Variants in RNF182 observed in about 807,000 individuals in gnomAD.
The protein encoded by RNF182 is ring finger protein 182.
RNF182 carries 15 observed loss-of-function variants against 14.4 expected under a neutral mutation model. The observed-to-expected ratio is 1.04, with a 90% CI of 0.70 to 1.60. RNF182 has a LOEUF of 1.60. RNF182 is among the 40% of genes most tolerant of loss of function. The probability of loss-of-function intolerance (pLI) is 0.00; values close to 1 mark genes in which losing one functional copy is unlikely to be tolerated. For synonymous variants in RNF182, 128 were observed against 122.9 expected (o/e 1.04, Z -0.27); for missense variants, 268 against 294.8 (o/e 0.91, Z 0.67).
At chr6:13,965,808 T>G (rs1375054370) in intron 1 of RNF182, among the ~76,000 whole-genome samples, 2 of 152,124 alleles carry the variant, frequency 1.3e-5, no homozygotes, top group East Asian at 1.9e-4. Context: ...AGATGGGAGA[T>G]CCTTCTCAAA....
chr6:13,953,851 C>T (rs553138090), intron 1 of RNF182, among the ~76,000 whole-genome samples: 10 of 152,076 alleles, frequency 6.6e-5, no homozygotes, highest in African/African-American at 9.7e-5. Flanking sequence ...GTGAGGCCAT[C>T]GCCAGCACCT....
intron 1 of RNF182, among the ~76,000 whole-genome samples, chr6:13,958,190 ATC>A (rs1011085209): frequency 5.9e-4 from 90 of 152,234 alleles, no homozygotes; most frequent in African/African-American, 2.0e-3. Flanking sequence ...GATAGAGACC[ATC>A]CTGTCCAACA....
intron 1 of RNF182, among the ~76,000 whole-genome samples, chr6:13,937,463 G>A (rs953757687): frequency 6.6e-6 from 1 of 152,142 alleles, no homozygotes; most frequent in African/African-American, 2.4e-5. Flanking sequence ...CCAACTATTT[G>A]GGATATTCAT....
chr6:13,935,698 G>T (rs1759091548), intron 1 of RNF182, among the ~76,000 whole-genome samples: 1 of 152,184 alleles, frequency 6.6e-6, no homozygotes, highest in Non-Finnish European at 1.5e-5. Context: ...TCATGATAAT[G>T]TATGGATAGA....
intron 1 of RNF182, among the ~76,000 whole-genome samples, chr6:13,964,150 G>A (rs1237494480): frequency 6.6e-6 from 1 of 151,774 alleles, no homozygotes; most frequent in Non-Finnish European, 1.5e-5. Flanking sequence ...TTAAAAGGTA[G>A]AACTTGAAAG....
At chr6:13,943,538 T>A (rs1759352072) in intron 1 of RNF182, among the ~76,000 whole-genome samples, 1 of 152,200 alleles carries the variant, frequency 6.6e-6, no homozygotes, top group African/African-American at 2.4e-5. Context: ...GTACCATTGG[T>A]ACTTATCTTA....
chr6:13,931,894 A>C (rs1197874292), intron 1 of RNF182, among the ~76,000 whole-genome samples: 1 of 152,158 alleles, frequency 6.6e-6, no homozygotes, highest in Non-Finnish European at 1.5e-5. Flanking sequence ...ATGAGGGTGG[A>C]GCCCTCATAA....
At chr6:13,957,037 G>C (rs1425484970) in intron 1 of RNF182, among the ~76,000 whole-genome samples, 1 of 152,088 alleles carries the variant, frequency 6.6e-6, no homozygotes, top group African/African-American at 2.4e-5. Flanking sequence ...CCACACCAAG[G>C]AATCTGTCAG....
intron 1 of RNF182, among the ~76,000 whole-genome samples, chr6:13,951,243 A>C (rs1304396519): frequency 6.6e-6 from 1 of 152,250 alleles, no homozygotes; most frequent in Non-Finnish European, 1.5e-5. Flanking sequence ...TAACTGGATT[A>C]CTGGCTTCAG....
intron 1 of RNF182, among the ~76,000 whole-genome samples, chr6:13,943,251 G>A (rs775668062): frequency 6.6e-6 from 1 of 150,394 alleles, no homozygotes; most frequent in Non-Finnish European, 1.5e-5. Flanking sequence ...AATGTAAGGT[G>A]TTATTACCAT....
chr6:13,924,653 C>G (rs567549298), upstream of RNF182: 5 of 152,106 alleles, frequency 3.3e-5, no homozygotes, highest in Non-Finnish European at 1.5e-5. Flanking sequence ...TGTGGGGAAG[C>G]AAAGGAGTGC....
In RNF182 at chr6:13,979,074, T is replaced by C. The variant is rs184875570; in HGVS notation, c.*1211T>C. On this transcript the variant is annotated 3_prime_UTR_variant, in exon 3 of 3. Transcript: ENST00000488300. ...TAAAATGGCAGGGGCAGAGTGCAGCTTAACATGTTGCTATCCCTGTTGTTT... is the reference window on the plus strand; with the variant it reads ...TAAAATGGCAGGGGCAGAGTGCAGCCTAACATGTTGCTATCCCTGTTGTTT... 183 of 167,232 alleles carry C rather than the reference T, an allele frequency of 1.1e-3. 1 individual carries two copies. The highest frequency in any genetic ancestry group is 2.1e-3 in the Non-Finnish European group (144 of 68,114). The allele number at this position is 167,232 out of a possible 1,614,324, so 10.4% of individuals were successfully genotyped here. A position where few individuals can be genotyped will look rare whatever the true frequency, so the allele number is the denominator to read the frequency against.
intron 1 of RNF182, among the ~76,000 whole-genome samples, chr6:13,970,848 C>T (rs1355064135): frequency 6.6e-6 from 1 of 152,158 alleles, no homozygotes; most frequent in African/African-American, 2.4e-5. Flanking sequence ...GAAAAATATA[C>T]ATTTTGAATG....
chr6:13,974,781 A>G (rs1179690195), intron 2 of RNF182, among the ~76,000 whole-genome samples: 2 of 152,214 alleles, frequency 1.3e-5, no homozygotes, highest in Non-Finnish European at 2.9e-5. Flanking sequence ...AATTTTGCCT[A>G]GTTATCTTCA....
At chr6:13,940,130 G>A (rs1222156668) in intron 1 of RNF182, among the ~76,000 whole-genome samples, 1 of 152,120 alleles carries the variant, frequency 6.6e-6, no homozygotes, top group Non-Finnish European at 1.5e-5. Context: ...TTTAAAATAT[G>A]GCTCTTGCTT....
chr6:13,958,409 T>A (rs1759783255), intron 1 of RNF182, among the ~76,000 whole-genome samples: 1 of 151,936 alleles, frequency 6.6e-6, no homozygotes, highest in African/African-American at 2.4e-5. Context: ...AATAATAAAA[T>A]CTATAATCTG....
rs1326135431 is a variant in RNF182, at chr6:13,979,430, C to T, written c.*1567C>T. ...TTGTGTGATGCAGGTACAGTGCGCC[C>T]ATTCCAACTGGAATAGCAGTTTGAT... On this transcript the variant is annotated 3_prime_UTR_variant, in exon 3 of 3. Coordinates refer to ENST00000488300, the MANE Select transcript of RNF182 (RefSeq NM_152737.4). 1 of 167,046 alleles carries T rather than the reference C, an allele frequency of 6.0e-6. No individual in the cohort carries two copies. The highest frequency in any genetic ancestry group is 1.5e-5 in the Non-Finnish European group (1 of 68,116). The allele number at this position is 167,046 out of a possible 1,614,324, so 10.3% of individuals were successfully genotyped here.
At chr6:13,974,674 C>T (rs1034087785) in intron 2 of RNF182, among the ~76,000 whole-genome samples, 1 of 152,154 alleles carries the variant, frequency 6.6e-6, no homozygotes, top group Non-Finnish European at 1.5e-5. Flanking sequence ...AGGAATGTGA[C>T]CTGCTGACTG....
At chr6:13,961,942 A>G (rs1759895207) in intron 1 of RNF182, among the ~76,000 whole-genome samples, 1 of 152,130 alleles carries the variant, frequency 6.6e-6, no homozygotes, top group Non-Finnish European at 1.5e-5. Flanking sequence ...TATTCTTTTT[A>G]GGATTTTTGA....
Sources: allele counts gnomAD v4.1 joint callset (sites outside exome capture counted in the v4.1 genomes callset), GRCh38; gene constraint gnomAD v4.1.1; transcripts MANE v1.5; gene names NCBI Gene and HGNC (gene_info 2026-07-23, HGNC 2026-07-21).